The following DAB1 variants were observed in gnomAD, a reference collection of about 807,000 sequenced individuals.
DAB1 encodes the protein disabled homolog 1.
DAB1 carries 15 observed loss-of-function variants against 64.6 expected under a neutral mutation model. The observed-to-expected ratio is 0.23, with a 90% CI of 0.16 to 0.36. The LOEUF (loss-of-function observed/expected upper bound fraction) is 0.36, where lower values mean the gene tolerates loss of function less well. DAB1 is among the 10% of genes least tolerant of loss of function. The pLI is 1.00. For missense variants in DAB1, 596 were observed against 706.7 expected, an observed-to-expected ratio of 0.84 and a Z score of 1.78; for synonymous variants, 235 against 251.9, an observed-to-expected ratio of 0.93 and a Z score of 0.64.
chr1:57,700,345 C>T (rs1474883257), intron 6 of DAB1, among the ~76,000 whole-genome samples: 1 of 152,192 alleles, frequency 6.6e-6, no homozygotes, highest in African/African-American at 2.4e-5. Context: ...TTGTATGTGT[C>T]TCATCCTTCC....
intron 4 of DAB1, among the ~76,000 whole-genome samples, chr1:58,337,808 G>A (rs916061651): frequency 6.6e-6 from 1 of 152,174 alleles, no homozygotes; most frequent in Non-Finnish European, 1.5e-5. Context: ...ACAGTGGTTT[G>A]TCATCATTGC....
intron 2 of DAB1, among the ~76,000 whole-genome samples, chr1:57,206,540 T>C (rs1665553201): frequency 6.6e-6 from 1 of 152,228 alleles, no homozygotes; most frequent in Non-Finnish European, 1.5e-5. Flanking sequence ...TCGCTGTCTC[T>C]TCCCATTTGT....
chr1:57,591,694 C>A (rs892216560), intron 7 of DAB1, among the ~76,000 whole-genome samples: 18 of 152,314 alleles, frequency 1.2e-4, no homozygotes, highest in African/African-American at 4.3e-4. Context: ...AATAAAATAA[C>A]CCAAGTATGA....
chr1:58,147,859 T>C (rs771215251), intron 5 of DAB1, among the ~76,000 whole-genome samples: 25 of 151,870 alleles, frequency 1.6e-4, no homozygotes, highest in Non-Finnish European at 2.8e-4. Context: ...AAACTGAAGA[T>C]TGGAGATATT....
At chr1:58,224,962 G>A (rs74765388) in intron 4 of DAB1, among the ~76,000 whole-genome samples, 33,021 of 151,866 alleles carry the variant, frequency 0.22, 4,309 homozygotes, top group East Asian at 0.46. Flanking sequence ...TTGACAAATC[G>A]GATCTAATTA....
At chr1:58,412,545 G>A (rs78377116) in intron 3 of DAB1, among the ~76,000 whole-genome samples, 3 of 152,134 alleles carry the variant, frequency 2.0e-5, no homozygotes, top group Non-Finnish European at 2.9e-5. Context: ...GTTTTTAATC[G>A]TGGACACTCA....
intron 4 of DAB1, among the ~76,000 whole-genome samples, chr1:58,312,678 A>T (rs2100475246): frequency 6.6e-6 from 1 of 152,322 alleles, no homozygotes; most frequent in Admixed American, 6.5e-5. Context: ...GGAAGGGACA[A>T]GCTCAGTATG....
At chr1:58,429,663 A>T (rs1166941825) in intron 3 of DAB1, among the ~76,000 whole-genome samples, 5 of 152,282 alleles carry the variant, frequency 3.3e-5, no homozygotes, top group Middle Eastern at 3.4e-3. Context: ...GAGAGACTGC[A>T]TGGAGTAGTG....
At chr1:58,139,767 G>T (rs1654172027) in intron 5 of DAB1, among the ~76,000 whole-genome samples, 1 of 152,176 alleles carries the variant, frequency 6.6e-6, no homozygotes, top group African/African-American at 2.4e-5. Flanking sequence ...CCACTTCCTA[G>T]ATGTGTGGCC....
intron 4 of DAB1, among the ~76,000 whole-genome samples, chr1:58,304,706 T>G (rs953873397): frequency 3.3e-5 from 5 of 152,146 alleles, no homozygotes; most frequent in Non-Finnish European, 5.9e-5. Flanking sequence ...CACCAGAAGC[T>G]TGCTAAAATT....
chr1:57,407,767 AGTGTGTGTGTGTGTGTGTGTGT>A (rs3991224), intron 1 of DAB1, among the ~76,000 whole-genome samples: 124 of 147,058 alleles, frequency 8.4e-4, no homozygotes, highest in African/African-American at 3.0e-3. Flanking sequence ...AGATATCTGA[AGTGTGTGTGTGTGTGTGTGTGT>A]GTGTGTGTGT....
intron 4 of DAB1, among the ~76,000 whole-genome samples, chr1:58,206,545 C>T (rs749269522): frequency 3.9e-5 from 6 of 152,190 alleles, no homozygotes; most frequent in Admixed American, 3.9e-4. Flanking sequence ...TACTTTACCA[C>T]TGTACTAACA....
At chr1:58,162,311 C>A (rs890102438) in intron 4 of DAB1, among the ~76,000 whole-genome samples, 1 of 152,210 alleles carries the variant, frequency 6.6e-6, no homozygotes, top group African/African-American at 2.4e-5. Flanking sequence ...ATTCTTAAGT[C>A]TCTGTCAGCC....
chr1:57,000,814 T>C (rs1414964005), intron 14 of DAB1, among the ~76,000 whole-genome samples: 1 of 152,234 alleles, frequency 6.6e-6, no homozygotes, highest in Non-Finnish European at 1.5e-5. Context: ...ATTTGCTCTA[T>C]TCTAATTTTG....
intron 1 of DAB1, among the ~76,000 whole-genome samples, chr1:57,323,399 A>G (rs1379189323): frequency 3.3e-5 from 5 of 152,200 alleles, no homozygotes; most frequent in African/African-American, 1.2e-4. Flanking sequence ...GGAATGAAGA[A>G]TAGCCTCAGA....
intron 6 of DAB1, among the ~76,000 whole-genome samples, chr1:57,780,118 A>G (rs2101841763): frequency 6.6e-6 from 1 of 152,266 alleles, no homozygotes; most frequent in East Asian, 1.9e-4. Flanking sequence ...TATTATAAAG[A>G]CCAAAACTAG....
At chr1:57,186,094 T>G (rs1663529209) in intron 2 of DAB1, among the ~76,000 whole-genome samples, 1 of 152,182 alleles carries the variant, frequency 6.6e-6, no homozygotes. Context: ...TCAATGTCCC[T>G]GCAGGTTGGG....
intron 3 of DAB1, among the ~76,000 whole-genome samples, chr1:58,379,104 G>T (rs338947): frequency 1.3e-5 from 2 of 149,930 alleles, no homozygotes; most frequent in Admixed American, 6.6e-5. Flanking sequence ...AGATGAACCC[G>T]GTACCTCAGA....
At chr1:58,447,548 AC>A (rs1437059808) in intron 3 of DAB1, among the ~76,000 whole-genome samples, 2 of 152,194 alleles carry the variant, frequency 1.3e-5, no homozygotes, top group Admixed American at 1.3e-4. Context: ...CAAAAGAAAC[AC>A]TGCCAGCCTT....
Sources: allele counts gnomAD v4.1 joint callset (sites outside exome capture counted in the v4.1 genomes callset), GRCh38; gene constraint gnomAD v4.1.1; transcripts MANE v1.5; gene names NCBI Gene and HGNC (gene_info 2026-07-23, HGNC 2026-07-21).